SGCD: variants seen among roughly 807,000 people sequenced by gnomAD.
SGCD encodes the protein delta-sarcoglycan.
Under a neutral mutation model 36.6 loss-of-function variants are expected in SGCD, and 18 were observed. That is an observed-to-expected ratio of 0.49 (90% confidence interval 0.34 to 0.73). The LOEUF is 0.73. Ranked by LOEUF, SGCD falls within the 30% of genes least tolerant of loss-of-function variation. SGCD has a pLI of 0.01. For missense variants in SGCD, 387 were observed against 346.7 expected (o/e 1.12, Z -0.92); for synonymous variants, 133 against 130.6 (o/e 1.02, Z -0.12).
At chr5:156,099,413 T>C (rs1761465827) in intron 1 of SGCD, among the ~76,000 whole-genome samples, 1 of 152,164 alleles carries the variant, frequency 6.6e-6, no homozygotes, top group South Asian at 2.1e-4. Context: ...TAATTCCTTT[T>C]TTTGTTGTTG....
chr5:156,420,097 G>A (rs1193174501), intron 3 of SGCD, among the ~76,000 whole-genome samples: 2 of 152,066 alleles, frequency 1.3e-5, no homozygotes, highest in Non-Finnish European at 1.5e-5. Context: ...TCTGGCCATA[G>A]TAACATTGCA....
At chr5:156,444,028 G>A (rs13187935) in intron 3 of SGCD, among the ~76,000 whole-genome samples, 1 of 145,586 alleles carries the variant, frequency 6.9e-6, no homozygotes, top group Non-Finnish European at 1.5e-5. Context: ...TGCTGATTTT[G>A]GACATCCCAG....
intron 1 of SGCD, among the ~76,000 whole-genome samples, chr5:156,081,583 A>G (rs1376687015): frequency 2.0e-5 from 3 of 152,102 alleles, no homozygotes; most frequent in African/African-American, 7.2e-5. Flanking sequence ...TACATTAAAC[A>G]CCAAGTCTCG....
intron 1 of SGCD, among the ~76,000 whole-genome samples, chr5:156,055,776 A>G (rs1293502880): frequency 1.4e-5 from 2 of 146,290 alleles, no homozygotes; most frequent in Non-Finnish European, 3.1e-5. Context: ...TTCTAGCCTC[A>G]GAGCCATATA....
chr5:155,963,340 T>C (rs974558411), intron 1 of SGCD, among the ~76,000 whole-genome samples: 2 of 152,174 alleles, frequency 1.3e-5, no homozygotes, highest in Non-Finnish European at 2.9e-5. Context: ...ATTTATAATT[T>C]TATCAAAGCA....
intron 3 of SGCD, among the ~76,000 whole-genome samples, chr5:156,249,546 T>C (rs1033597397): frequency 1.3e-5 from 2 of 152,178 alleles, no homozygotes; most frequent in Non-Finnish European, 2.9e-5. Context: ...GACAAACAAA[T>C]GATAGAAGGC....
chr5:156,149,138 T>TA (rs1762775287), intron 3 of SGCD, among the ~76,000 whole-genome samples: 1 of 152,174 alleles, frequency 6.6e-6, no homozygotes, highest in Non-Finnish European at 1.5e-5. Flanking sequence ...CACAGGTACA[T>TA]AGTAGGTATA....
At chr5:156,728,887 A>G (rs1393313245) in intron 7 of SGCD, among the ~76,000 whole-genome samples, 1 of 152,116 alleles carries the variant, frequency 6.6e-6, no homozygotes, top group Non-Finnish European at 1.5e-5. Context: ...CTATATTGCA[A>G]TGAAGTTGAG....
intron 1 of SGCD, among the ~76,000 whole-genome samples, chr5:156,009,800 C>T (rs1356652168): frequency 6.6e-6 from 1 of 152,140 alleles, no homozygotes; most frequent in Non-Finnish European, 1.5e-5. Context: ...TCTGACGCCA[C>T]TGAACTTCTG....
chr5:155,771,379 G>A, the SGCD span, among the ~76,000 whole-genome samples: 1 of 151,554 alleles, frequency 6.6e-6, no homozygotes, highest in Non-Finnish European at 1.5e-5. Flanking sequence ...CTCCCAAGTA[G>A]CTAGCACTGT....
chr5:156,571,564 C>G (rs1174889511), intron 4 of SGCD, among the ~76,000 whole-genome samples: 1 of 152,146 alleles, frequency 6.6e-6, no homozygotes, highest in Non-Finnish European at 1.5e-5. Flanking sequence ...GTGAGCTTCA[C>G]TGCTGTCTCA....
intron 3 of SGCD, among the ~76,000 whole-genome samples, chr5:156,185,796 T>C (rs867919398): frequency 4.7e-5 from 7 of 147,662 alleles, no homozygotes; most frequent in Non-Finnish European, 7.5e-5. Context: ...CTGTGATTTT[T>C]ACAAACTTAT....
rs116290011 is a variant in SGCD, at chr5:155,923,693, C to T, written c.-282+53269C>T. Among the ~76,000 whole-genome samples the T allele has an allele frequency of 2.4e-3, 365 of 152,292 alleles. 2 individuals are homozygous for T. Among genetic ancestry groups the T allele is most frequent in the African/African-American group, 7.0e-3 (292 of 41,578 alleles). ...AAAGGAATCAAGGGAATTGGACAAA[C>T]GGATTTTGCTAATGCCAGCAATATT... On this transcript the variant is annotated intron_variant, in intron 1 of 9. Transcript: ENST00000517913.
intron 2 of SGCD, among the ~76,000 whole-genome samples, chr5:156,341,319 T>C (rs1309959707): frequency 1.3e-5 from 2 of 152,128 alleles, no homozygotes; most frequent in Non-Finnish European, 2.9e-5. Flanking sequence ...CTTTTTTTAT[T>C]TTTTATTTTA....
chr5:156,401,579 A>G (rs1412930229), intron 3 of SGCD, among the ~76,000 whole-genome samples: 1 of 152,164 alleles, frequency 6.6e-6, no homozygotes, highest in Non-Finnish European at 1.5e-5. Context: ...AGGTGGTAGC[A>G]TTTTACAACA....
At chr5:156,305,980 A>G (rs1767200763) in intron 3 of SGCD, among the ~76,000 whole-genome samples, 1 of 152,044 alleles carries the variant, frequency 6.6e-6, no homozygotes, top group Non-Finnish European at 1.5e-5. Flanking sequence ...CTGTACCCCC[A>G]TTGTATCTAG....
chr5:156,096,483 T>C (rs893685893), intron 1 of SGCD, among the ~76,000 whole-genome samples: 5 of 152,198 alleles, frequency 3.3e-5, no homozygotes, highest in African/African-American at 1.2e-4. Context: ...GGTGAGGAGA[T>C]GCCCTTCTAG....
chr5:156,721,580 T>C (rs1188568761), intron 7 of SGCD, among the ~76,000 whole-genome samples: 2 of 152,080 alleles, frequency 1.3e-5, no homozygotes, highest in African/African-American at 2.4e-5. Context: ...AATTAGGCAG[T>C]AGTTGAAGGG....
intron 7 of SGCD, among the ~76,000 whole-genome samples, chr5:156,732,983 C>A (rs1166536865): frequency 1.3e-5 from 2 of 152,000 alleles, no homozygotes; most frequent in Non-Finnish European, 2.9e-5. Context: ...GTCTGCCTAG[C>A]AGTCTACCTA....
Sources: gnomAD v4.1 joint callset for allele counts (sites outside exome capture counted in the v4.1 genomes callset) on GRCh38, gnomAD v4.1.1 for gene constraint, MANE v1.5 for transcripts, NCBI Gene and HGNC (gene_info 2026-07-23, HGNC 2026-07-21) for gene names.